Variants in DHRS7 observed in about 807,000 individuals in gnomAD.
DHRS7 encodes dehydrogenase/reductase 7.
In DHRS7, 34 loss-of-function variants were observed where a neutral mutation model predicts 38.9. The ratio of observed to expected loss-of-function variants is 0.87; its 90% confidence interval spans 0.66 to 1.16. DHRS7 has a LOEUF of 1.16. Ranked by LOEUF, DHRS7 falls within the 50% of genes most tolerant of loss-of-function variation. The pLI, the probability that DHRS7 is intolerant of heterozygous loss-of-function variation, is 0.00. For synonymous variants in DHRS7, 158 were observed against 153.1 expected (o/e 1.03, Z -0.24); for missense variants, 421 against 407.0 (o/e 1.03, Z -0.30).
upstream of DHRS7, chr14:60,168,890 A>T (rs1333915097): frequency 3.7e-6 from 4 of 1,077,376 alleles, no homozygotes; most frequent in East Asian, 1.2e-4. Flanking sequence ...ACACTTAGGC[A>T]TTGAAAGTGG....
chr14:60,165,463 G>C (rs376435813), upstream of DHRS7: 4 of 1,357,470 alleles, frequency 2.9e-6, no homozygotes, highest in South Asian at 1.7e-5. This position sits in a 1 kb window ranked among gnomAD's most constrained non-coding sequence, Gnocchi z 4.6. Flanking sequence ...GGAGCGGCTC[G>C]GGCGCGCCGG....
At chr14:60,164,289 C>A (rs755160721) in intron 1 of DHRS7, among the ~76,000 whole-genome samples, 6 of 134,320 alleles carry the variant, frequency 4.5e-5, no homozygotes, top group Non-Finnish European at 9.4e-5. Context: ...GTCTATCTTT[C>A]GAGCTACTAT....
At chr14:60,167,965 G>A (rs1437460404), upstream of DHRS7, among the ~76,000 whole-genome samples, 1 of 152,194 alleles carries the variant, frequency 6.6e-6, no homozygotes, top group East Asian at 1.9e-4. Flanking sequence ...TGGCCACGGT[G>A]GAGAGGAGCT....
chr14:60,166,406 T>C (rs1020196495), upstream of DHRS7: 1 of 263,528 alleles, frequency 3.8e-6, no homozygotes. Context: ...TAGAGTACTT[T>C]GTGTGCTCTG....
At position 60,153,870 on chromosome 14, in the gene DHRS7, TA is replaced by T; in HGVS notation, c.393+88del. The T allele has an allele frequency of 8.2e-7, 1 of 1,214,768 alleles. No individual in the cohort carries two copies. Among genetic ancestry groups the T allele is most frequent in the Non-Finnish European group, 1.2e-6 (1 of 825,326 alleles). The allele number at this position is 1,214,768 out of a possible 1,614,324, so 75.2% of individuals were successfully genotyped here. On this transcript the variant is annotated intron_variant, in intron 3 of 6. Transcript: ENST00000557185. This position sits in a 1 kb window ranked among gnomAD's most constrained non-coding sequence, Gnocchi z 4.4. ...TCTCACTGCATGGACCCCACTTGCCTAAAGCCCTTTGTATGACAGCACCACG... is the reference window on the plus strand; with the variant it reads ...TCTCACTGCATGGACCCCACTTGCCTAAGCCCTTTGTATGACAGCACCACG...
intron 1 of DHRS7, among the ~76,000 whole-genome samples, chr14:60,160,548 A>G (rs1278834231): frequency 2.0e-5 from 3 of 150,586 alleles, no homozygotes; most frequent in African/African-American, 7.3e-5. Context: ...TGGGAAATAT[A>G]TGAGAGTAGA....
At chr14:60,164,797 G>C (rs1332723855) in intron 1 of DHRS7, among the ~76,000 whole-genome samples, 2 of 152,174 alleles carry the variant, frequency 1.3e-5, no homozygotes, top group Admixed American at 1.3e-4. Context: ...AAACGCAGGG[G>C]GACGCTCACT....
rs1896463786 is a variant in DHRS7 at position 60,148,594 on chromosome 14, G to A, written c.972+759C>T. On this transcript the variant is annotated intron_variant, in intron 6 of 6. Transcript: ENST00000557185. This position sits in a 1 kb window ranked among gnomAD's most constrained non-coding sequence, Gnocchi z 4.8. ...TAGATGTGCTGAGTACTTCGGGAAT[G>A]AGGTAAAACTGCATGCATCTGTTTT... Among the ~76,000 whole-genome samples, 1 of 152,190 alleles carries A rather than the reference G, an allele frequency of 6.6e-6. No individual in the cohort carries two copies. Among genetic ancestry groups the A allele is most frequent in the South Asian group, 2.1e-4 (1 of 4,830 alleles).
rs1189609230 is a variant in DHRS7, at chr14:60,160,339, A to C, written c.134-4187T>G. On this transcript the variant is annotated intron_variant, in intron 1 of 6. Coordinates refer to ENST00000557185, the MANE Select transcript of DHRS7 (RefSeq NM_016029.4). ...TCAAAAAACAAAAAACAAAAAAAAA[A>C]CTTCTTTTTTTTTTTTTTTTTTACA... Among the ~76,000 whole-genome samples, 10 of 149,634 alleles carry C rather than the reference A, an allele frequency of 6.7e-5. No homozygotes were observed. In the East Asian group the frequency reaches 1.6e-3, roughly 23 times the overall value.
Position 60,144,137 on chromosome 14 carries a change from A to C in DHRS7, c.*829T>G, listed in dbSNP as rs752502078. On this transcript the variant is annotated 3_prime_UTR_variant, in exon 7 of 7. Transcript: ENST00000557185. ...ACTCCAGTACAGTAGAAGACATACAACAGGTGTTTAATGAATAATAGGTGC... is the reference window on the plus strand; with the variant it reads ...ACTCCAGTACAGTAGAAGACATACACCAGGTGTTTAATGAATAATAGGTGC... 1 of 152,270 alleles carries C rather than the reference A, an allele frequency of 6.6e-6. No homozygotes were observed. The highest frequency in any genetic ancestry group is 2.4e-5 in the African/African-American group (1 of 41,452). 9.4% of individuals were successfully genotyped at this position (152,270 alleles called of 1,614,324 possible).
Position 60,144,951 on chromosome 14 carries a change from G to T in DHRS7, c.*15C>A. ...ATTTCTCCCTCCAGTGGCTTGAAAAGTACAGGTGCTCTTTTCAGTCATGTT... is the reference window on the plus strand; with the variant it reads ...ATTTCTCCCTCCAGTGGCTTGAAAATTACAGGTGCTCTTTTCAGTCATGTT... On this transcript the variant is annotated 3_prime_UTR_variant, in exon 7 of 7. Transcript: ENST00000557185. The T allele has an allele frequency of 3.1e-6, 5 of 1,601,588 alleles. No homozygotes were observed. Among genetic ancestry groups the T allele is most frequent in the Non-Finnish European group, 4.3e-6 (5 of 1,170,826 alleles).
At chr14:60,147,154 G>A (rs971616385) in intron 6 of DHRS7, 1 of 152,138 alleles carries the variant, frequency 6.6e-6, no homozygotes, top group Non-Finnish European at 1.5e-5. Flanking sequence ...GATTGCTTGA[G>A]CCTGGGAGGT....
Position 60,145,209 on chromosome 14 carries a change from A to G in DHRS7, c.973-196T>C. The G allele has an allele frequency of 2.2e-6, 1 of 446,196 alleles. No individual in the cohort carries two copies. Among genetic ancestry groups the G allele is most frequent in the Non-Finnish European group, 3.9e-6 (1 of 257,388 alleles). 27.6% of individuals were successfully genotyped at this position (446,196 alleles called of 1,614,324 possible). On this transcript the variant is annotated intron_variant, in intron 6 of 6. Transcript: ENST00000557185. This position sits in a 1 kb window ranked among gnomAD's most constrained non-coding sequence, Gnocchi z 4.0. Reference sequence around the variant, plus strand: ...CTAGATGTACACAAAAGTACTTCTAATGAGTTTAGCATCATCTCTGGTTTA... The same window carrying G: ...CTAGATGTACACAAAAGTACTTCTAGTGAGTTTAGCATCATCTCTGGTTTA...
intron 4 of DHRS7, among the ~76,000 whole-genome samples, chr14:60,151,581 A>T (rs895789958): frequency 1.3e-5 from 2 of 152,132 alleles, no homozygotes; most frequent in Non-Finnish European, 2.9e-5. Flanking sequence ...AACTCCCATA[A>T]CTTTAACCTT....
In DHRS7 at chr14:60,156,078, A is replaced by G. The variant is rs1896653440; in HGVS notation, c.208T>C (p.Leu70=). ...SGIGEELAYQ[L]SKLGVSLVLS... ...ACAAGAGAAACTCCTAGTTTAGACA[A>G]CTGGTAAGCCAGCTCCTCACCAATT... is the stretch of plus-strand genomic sequence containing the variant. The change falls in exon 2 of 7, where the codon TTG becomes CTG. Residue 70 remains leucine, a synonymous_variant. Coordinates refer to ENST00000557185, the MANE Select transcript of DHRS7 (RefSeq NM_016029.4). The G allele has an allele frequency of 1.9e-6, 3 of 1,606,430 alleles. No individual in the cohort carries two copies. The highest frequency in any genetic ancestry group is 2.3e-5 in the East Asian group (1 of 44,254).
intron 2 of DHRS7, among the ~76,000 whole-genome samples, chr14:60,155,251 C>T (rs1896633763): frequency 6.6e-6 from 1 of 152,094 alleles, no homozygotes; most frequent in Non-Finnish European, 1.5e-5. Context: ...GAGGTCGAGA[C>T]CAGCATGGCC....
chr14:60,159,487 C>A (rs1191468229), intron 1 of DHRS7, among the ~76,000 whole-genome samples: 1 of 152,126 alleles, frequency 6.6e-6, no homozygotes, highest in Non-Finnish European at 1.5e-5. Flanking sequence ...AGGAAACTTC[C>A]ATAAGTTTGT....
At chr14:60,154,093 A>C in intron 2 of DHRS7, 28 bp from the exon 3 acceptor site, 1 of 1,579,696 alleles carries the variant, frequency 6.3e-7, no homozygotes, top group East Asian at 2.2e-5. Flanking sequence ...TTTGTGTGGA[A>C]GTCATGCCAT....
intron 5 of DHRS7, 77 bp from the exon 6 acceptor site, chr14:60,149,645 G>A (rs567645047): frequency 2.7e-5 from 30 of 1,129,860 alleles, no homozygotes; most frequent in South Asian, 2.0e-4. Context: ...CTCAAATGCC[G>A]TCTAGTTGAG....
Sources: gnomAD v4.1 joint callset for allele counts (sites outside exome capture counted in the v4.1 genomes callset) on GRCh38, gnomAD v4.1.1 for gene constraint, Gnocchi (gnomAD v3.1) non-coding constraint, MANE v1.5 for transcripts, NCBI Gene and HGNC (gene_info 2026-07-23, HGNC 2026-07-21) for gene names.